The following OPCML variants were observed in gnomAD, a reference collection of about 807,000 sequenced individuals.
The protein encoded by OPCML is opioid-binding protein/cell adhesion molecule.
In OPCML, 13 loss-of-function variants were observed where a neutral mutation model predicts 37.8. That is an observed-to-expected ratio of 0.34 (90% CI 0.22 to 0.55). The LOEUF (loss-of-function observed/expected upper bound fraction) is 0.55. OPCML is among the 20% of genes least tolerant of loss of function. The probability of loss-of-function intolerance (pLI) is 0.91; values close to 1 mark genes in which losing one functional copy is unlikely to be tolerated. For synonymous variants in OPCML, 176 were observed against 168.8 expected, an observed-to-expected ratio of 1.04 and a Z score of -0.33; for missense variants, 341 against 435.6, an observed-to-expected ratio of 0.78 and a Z score of 1.93.
chr11:133,135,423 T>C (rs1442534825), intron 1 of OPCML, among the ~76,000 whole-genome samples: 1 of 147,648 alleles, frequency 6.8e-6, no homozygotes, highest in African/African-American at 2.5e-5. Flanking sequence ...TTGATTCCTA[T>C]TCTTTGCCCT....
At chr11:132,775,784 G>A (rs1565854056) in intron 2 of OPCML, among the ~76,000 whole-genome samples, 1 of 152,160 alleles carries the variant, frequency 6.6e-6, no homozygotes. Flanking sequence ...AGGTTCCATC[G>A]ACAGGTGTCA....
At chr11:132,835,909 C>T (rs911193527) in intron 2 of OPCML, among the ~76,000 whole-genome samples, 4 of 152,120 alleles carry the variant, frequency 2.6e-5, no homozygotes, top group African/African-American at 7.2e-5. Flanking sequence ...ATCAGGTGGG[C>T]CTTTACATGT....
At chr11:133,503,941 C>T (rs531733547) in intron 1 of OPCML, among the ~76,000 whole-genome samples, 76 of 152,114 alleles carry the variant, frequency 5.0e-4, no homozygotes, top group Admixed American at 1.4e-3. Flanking sequence ...GCAGGGAAGG[C>T]GGGAGGAGGA....
At chr11:132,892,986 C>T (rs1911252) in intron 2 of OPCML, among the ~76,000 whole-genome samples, 56,694 of 151,948 alleles carry the variant, frequency 0.37, 11,631 homozygotes, top group African/African-American at 0.54. Context: ...TTCTATTATA[C>T]AAAGGTTGTC....
At chr11:133,518,427 G>T (rs370592196) in intron 1 of OPCML, among the ~76,000 whole-genome samples, 1 of 151,980 alleles carries the variant, frequency 6.6e-6, no homozygotes, top group African/African-American at 2.4e-5. Flanking sequence ...GGATGGGTTT[G>T]TGTGTAAGTG....
intron 1 of OPCML, among the ~76,000 whole-genome samples, chr11:133,080,744 G>A (rs181388478): frequency 5.9e-5 from 9 of 152,224 alleles, no homozygotes; most frequent in Non-Finnish European, 4.4e-5. Flanking sequence ...AGCTCTTGTC[G>A]CTATGAAGGA....
At chr11:133,478,450 G>A (rs977167129) in intron 1 of OPCML, among the ~76,000 whole-genome samples, 2 of 152,132 alleles carry the variant, frequency 1.3e-5, no homozygotes, top group Non-Finnish European at 2.9e-5. Context: ...CTCCTGTTGT[G>A]TAGATCGTGT....
chr11:132,860,736 G>A (rs1217781341), intron 2 of OPCML: 1 of 152,032 alleles, frequency 6.6e-6, no homozygotes, highest in Non-Finnish European at 1.5e-5. Context: ...GAACGCTTGG[G>A]GACACCAGAA....
chr11:133,454,453 G>A (rs951013260), intron 1 of OPCML, among the ~76,000 whole-genome samples: 16 of 152,150 alleles, frequency 1.1e-4, no homozygotes, highest in Admixed American at 1.3e-4. Flanking sequence ...CGTCCGAAGT[G>A]CTTAGAATAT....
At chr11:133,336,787 T>G (rs182483233) in intron 1 of OPCML, among the ~76,000 whole-genome samples, 8 of 152,326 alleles carry the variant, frequency 5.3e-5, no homozygotes, top group African/African-American at 1.9e-4. Context: ...CCATTTGTTA[T>G]GAAAAGAATG....
chr11:132,664,739 A>G (rs1204550178), intron 2 of OPCML, among the ~76,000 whole-genome samples: 1 of 152,254 alleles, frequency 6.6e-6, no homozygotes, highest in African/African-American at 2.4e-5. Flanking sequence ...TGAGTTACAA[A>G]TAGAGCCAAC....
chr11:132,631,213 C>A (rs1241764642), intron 3 of OPCML, among the ~76,000 whole-genome samples: 2 of 151,538 alleles, frequency 1.3e-5, no homozygotes, highest in Non-Finnish European at 2.9e-5. Flanking sequence ...AAAAAAAATT[C>A]TTTGTTTTTG....
chr11:133,457,723 G>A (rs976697020), intron 1 of OPCML, among the ~76,000 whole-genome samples: 1 of 151,930 alleles, frequency 6.6e-6, no homozygotes, highest in African/African-American at 2.4e-5. Context: ...ATTCAAAAAT[G>A]GGAAACAAAT....
chr11:132,641,483 G>T (rs1373983819), intron 3 of OPCML, among the ~76,000 whole-genome samples: 6 of 152,254 alleles, frequency 3.9e-5, no homozygotes, highest in Admixed American at 3.3e-4. Flanking sequence ...CCTGCTGATT[G>T]CCCCTGGTCT....
At chr11:133,015,340 G>A (rs1255252928) in intron 1 of OPCML, among the ~76,000 whole-genome samples, 1 of 144,768 alleles carries the variant, frequency 6.9e-6, no homozygotes, top group Non-Finnish European at 1.5e-5. Flanking sequence ...AAGAAGGAAG[G>A]GAGGGAGGGA....
rs536443812 is a variant in OPCML at position 133,369,905 on chromosome 11, T to G, written c.61+162359A>C. Among the ~76,000 whole-genome samples the G allele has an allele frequency of 8.6e-4, 131 of 152,346 alleles. No individual in the cohort carries two copies. In the South Asian group the frequency reaches 0.014, roughly 17 times the overall value. ...TTTAATTTTGGATTTTGGGGGATTT[T>G]GGAATATTTGCATATACCTAATGTT... On this transcript the variant is annotated intron_variant, in intron 1 of 7. Coordinates refer to ENST00000524381, the MANE Select transcript of OPCML (RefSeq NM_001012393.5).
intron 1 of OPCML, among the ~76,000 whole-genome samples, chr11:133,229,084 G>T (rs2136381999): frequency 6.6e-6 from 1 of 152,330 alleles, no homozygotes; most frequent in South Asian, 2.1e-4. Flanking sequence ...CACAGAAGCA[G>T]GCCAGGGCAT....
At chr11:132,781,845 C>G (rs1947030942) in intron 2 of OPCML, among the ~76,000 whole-genome samples, 1 of 150,852 alleles carries the variant, frequency 6.6e-6, no homozygotes, top group Non-Finnish European at 1.5e-5. Context: ...TTAACACCCT[C>G]AGAGACCAGA....
chr11:133,313,546 A>C (rs1429636077), intron 1 of OPCML, among the ~76,000 whole-genome samples: 1 of 152,210 alleles, frequency 6.6e-6, no homozygotes, highest in Non-Finnish European at 1.5e-5. Context: ...ATTTATTCAC[A>C]AGGGTTCTTA....
Sources: allele counts gnomAD v4.1 joint callset (sites outside exome capture counted in the v4.1 genomes callset), GRCh38; gene constraint gnomAD v4.1.1; transcripts MANE v1.5; gene names NCBI Gene and HGNC (gene_info 2026-07-23, HGNC 2026-07-21).